The following OSBP2 variants were observed in gnomAD, a reference collection of about 807,000 sequenced individuals.
OSBP2 encodes oxysterol-binding protein 2.
OSBP2 carries 66 observed loss-of-function variants against 96.0 expected under a neutral mutation model. The ratio of observed to expected loss-of-function variants is 0.69; its 90% CI spans 0.56 to 0.84. OSBP2 has a LOEUF of 0.84. Ranked by LOEUF, OSBP2 falls within the 40% of genes least tolerant of loss-of-function variation. The pLI, the probability that OSBP2 is intolerant of heterozygous loss-of-function variation, is 0.00. For missense variants in OSBP2, 1,038 were observed against 1,222.7 expected, an observed-to-expected ratio of 0.85 and a Z score of 2.25; for synonymous variants, 525 against 520.9, an observed-to-expected ratio of 1.01 and a Z score of -0.11.
chr22:30,751,021 G>A (rs1447311588), intron 2 of OSBP2, among the ~76,000 whole-genome samples: 1 of 152,160 alleles, frequency 6.6e-6, no homozygotes, highest in African/African-American at 2.4e-5. Flanking sequence ...GATTACAGGC[G>A]TGAGCCACTG....
At chr22:30,744,594 C>G (rs1473030732) in intron 2 of OSBP2, among the ~76,000 whole-genome samples, 3 of 152,134 alleles carry the variant, frequency 2.0e-5, no homozygotes, top group African/African-American at 7.2e-5. Context: ...AACCCCATCT[C>G]TGCTAAAAAT....
chr22:30,822,435 G>A (rs1361259629), intron 2 of OSBP2: 2 of 1,081,410 alleles, frequency 1.8e-6, no homozygotes, highest in African/African-American at 1.7e-5. Flanking sequence ...CGGCTCCCGC[G>A]GCGCGGACGG....
intron 1 of OSBP2, among the ~76,000 whole-genome samples, 189 bp downstream of exon 1, chr22:30,695,742 T>C (rs369534928): frequency 1.3e-5 from 2 of 152,014 alleles, no homozygotes; most frequent in South Asian, 2.1e-4. Context: ...CTGGCAAGGG[T>C]GAATGTGATC....
At chr22:30,791,968 A>G (rs1602269811) in intron 2 of OSBP2, among the ~76,000 whole-genome samples, 2 of 152,224 alleles carry the variant, frequency 1.3e-5, no homozygotes, top group East Asian at 3.8e-4. Context: ...TTATGATAAA[A>G]TATCATAATC....
intron 2 of OSBP2, among the ~76,000 whole-genome samples, chr22:30,840,171 G>T (rs1306588859): frequency 1.4e-5 from 2 of 146,168 alleles, no homozygotes; most frequent in Non-Finnish European, 3.0e-5. Context: ...TAACTAACCT[G>T]CACAATGTGC....
intron 1 of OSBP2, among the ~76,000 whole-genome samples, chr22:30,722,173 T>C (rs1426037823): frequency 6.6e-6 from 1 of 152,210 alleles, no homozygotes; most frequent in African/African-American, 2.4e-5. Context: ...TCTGCCTGGC[T>C]CCCTGGGACT....
At chr22:30,889,723 A>G (rs2147156078) in intron 7 of OSBP2, 87 bp downstream of exon 7, 1 of 1,244,878 alleles carries the variant, frequency 8.0e-7, no homozygotes. Context: ...TGTGTGAAGT[A>G]CACACAGCCT....
At chr22:30,818,124 C>T (rs981253048) in intron 2 of OSBP2, among the ~76,000 whole-genome samples, 5 of 152,134 alleles carry the variant, frequency 3.3e-5, no homozygotes, top group African/African-American at 1.2e-4. Context: ...CCTCAAACTC[C>T]TAGGCTCAAG....
chr22:30,858,631 T>C (rs922336287), intron 2 of OSBP2, among the ~76,000 whole-genome samples: 4 of 151,040 alleles, frequency 2.6e-5, no homozygotes, highest in Non-Finnish European at 1.5e-5. Flanking sequence ...GTAATCCCAG[T>C]ACTTTGGGAG....
intron 2 of OSBP2, among the ~76,000 whole-genome samples, chr22:30,770,337 C>T (rs1312492187): frequency 6.6e-6 from 1 of 152,030 alleles, no homozygotes; most frequent in African/African-American, 2.4e-5. Flanking sequence ...CTCAAGTGAT[C>T]TGCCCATCTC....
At chr22:30,776,115 C>T (rs982725696) in intron 2 of OSBP2, among the ~76,000 whole-genome samples, 1 of 139,508 alleles carries the variant, frequency 7.2e-6, no homozygotes, top group African/African-American at 2.7e-5. Context: ...TTTTTCTTTT[C>T]TTTTTTTTTT....
chr22:30,894,290 GA>G lies in OSBP2; in HGVS notation c.2375+293del, dbSNP rs2040017668. ...TACTTGAAAATAACCACAGGAAATA[GA>G]AAACTATAAAATGTGGCATAGGAAA... On this transcript the variant is annotated intron_variant, in intron 12 of 13. Transcript: ENST00000332585. 2.2e-5 allele frequency: 8 copies of G among 357,318 alleles called. No individual in the cohort carries two copies. The South Asian group carries it at 4.8e-4, about 21-fold the overall frequency. The allele number at this position is 357,318 out of a possible 1,614,324, so 22.1% of individuals were successfully genotyped here. A position where few individuals can be genotyped will look rare whatever the true frequency, so the allele number is the denominator to read the frequency against.
chr22:30,741,484 A>G, intron 2 of OSBP2, 115 bp downstream of exon 2: 2 of 799,654 alleles, frequency 2.5e-6, no homozygotes, highest in Non-Finnish European at 4.0e-6. Context: ...GCCAGCGTGG[A>G]TCAATCTGGA....
At chr22:30,831,280 G>T (rs1216339606) in intron 2 of OSBP2, among the ~76,000 whole-genome samples, 1 of 152,182 alleles carries the variant, frequency 6.6e-6, no homozygotes, top group Non-Finnish European at 1.5e-5. Context: ...AATGTGCCTT[G>T]TTTTCACTTG....
At chr22:30,810,186 C>T (rs2090987048) in intron 2 of OSBP2, among the ~76,000 whole-genome samples, 1 of 152,080 alleles carries the variant, frequency 6.6e-6, no homozygotes, top group African/African-American at 2.4e-5. Context: ...AGAGGACTGA[C>T]TCATGTCCTC....
In OSBP2 at chr22:30,907,303, T is replaced by C. The variant is rs1222925600; in HGVS notation, c.*964T>C. 1 of 152,120 alleles carries C rather than the reference T, an allele frequency of 6.6e-6. No individual in the cohort carries two copies. The highest frequency in any genetic ancestry group is 1.5e-5 in the Non-Finnish European group (1 of 67,968). 9.4% of individuals were successfully genotyped at this position (152,120 alleles called of 1,614,324 possible). ...CCCCATCTCAGTGTCCCCTGAACTC[T>C]TTATTTGCCTAATTTATATATATAT... On this transcript the variant is annotated 3_prime_UTR_variant, in exon 14 of 14. Coordinates refer to ENST00000332585, the MANE Select transcript of OSBP2 (RefSeq NM_030758.4).
intron 12 of OSBP2, chr22:30,902,110 G>GAAAAA (rs60499517): frequency 9.8e-6 from 2 of 205,054 alleles, no homozygotes; most frequent in Non-Finnish European, 9.3e-6. Context: ...AGCAATATAA[G>GAAAAA]AAAAAAAAAA....
intron 2 of OSBP2, among the ~76,000 whole-genome samples, chr22:30,857,356 G>A (rs1425097245): frequency 6.6e-6 from 1 of 152,188 alleles, no homozygotes; most frequent in African/African-American, 2.4e-5. Flanking sequence ...GAGGCCCAGG[G>A]GAGGGCACCT....
At chr22:30,895,369 G>A (rs1376075833) in intron 12 of OSBP2, among the ~76,000 whole-genome samples, 1 of 152,118 alleles carries the variant, frequency 6.6e-6, no homozygotes, top group African/African-American at 2.4e-5. Flanking sequence ...GCGTGCTGAA[G>A]ACAAGAAATA....
Sources: gnomAD v4.1 joint callset for allele counts (sites outside exome capture counted in the v4.1 genomes callset) on GRCh38, gnomAD v4.1.1 for gene constraint, MANE v1.5 for transcripts, NCBI Gene and HGNC (gene_info 2026-07-23, HGNC 2026-07-21) for gene names.